The following RNF32 variants were observed in gnomAD, a reference collection of about 807,000 sequenced individuals.
RNF32 encodes the protein ring finger protein 32.
RNF32 carries 36 observed loss-of-function variants against 41.0 expected under a neutral mutation model. The ratio of observed to expected loss-of-function variants is 0.88; its 90% CI spans 0.67 to 1.16. The LOEUF is 1.16. RNF32 is among the 50% of genes most tolerant of loss of function. The pLI, the probability that RNF32 is intolerant of heterozygous loss-of-function variation, is 0.00. For missense variants in RNF32, 413 were observed against 436.7 expected, an observed-to-expected ratio of 0.95 and a Z score of 0.48; for synonymous variants, 154 against 160.9, an observed-to-expected ratio of 0.96 and a Z score of 0.32.
At chr7:156,667,136 C>CA in intron 7 of RNF32, among the ~76,000 whole-genome samples, 1 of 152,164 alleles carries the variant, frequency 6.6e-6, no homozygotes, top group Non-Finnish European at 1.5e-5. Context: ...GAAGTGGCTC[C>CA]AAGCAGCAGG....
intron 7 of RNF32, chr7:156,659,783 T>C (rs768953090): frequency 3.6e-5 from 25 of 689,850 alleles, no homozygotes; most frequent in Non-Finnish European, 4.3e-5. Flanking sequence ...TTGTGTTATC[T>C]TGTAAAGTAG....
At chr7:156,657,049 GAA>G (rs1410805000) in intron 4 of RNF32, among the ~76,000 whole-genome samples, 1 of 152,032 alleles carries the variant, frequency 6.6e-6, no homozygotes, top group African/African-American at 2.4e-5. Flanking sequence ...ATTTAAAAAA[GAA>G]AAAAGACTCC....
intron 3 of RNF32, among the ~76,000 whole-genome samples, chr7:156,652,261 T>TTAA (rs1356236771): frequency 6.6e-6 from 1 of 152,184 alleles, no homozygotes; most frequent in Non-Finnish European, 1.5e-5. Context: ...TGAGGCCTGT[T>TTAA]TTTTTGAGTC....
intron 7 of RNF32, among the ~76,000 whole-genome samples, chr7:156,664,518 C>T (rs1801080726): frequency 6.6e-6 from 1 of 151,806 alleles, no homozygotes; most frequent in Admixed American, 6.6e-5. Context: ...GGTAATTTGT[C>T]CTGGTTGACA....
At chr7:156,658,940 T>A in intron 7 of RNF32, 1 of 1,526,444 alleles carries the variant, frequency 6.6e-7, no homozygotes, top group Non-Finnish European at 8.8e-7. Context: ...GCACATCTCA[T>A]AGTAATGAAA....
At chr7:156,654,160 T>C (rs1381643603) in intron 3 of RNF32, 2 of 152,152 alleles carry the variant, frequency 1.3e-5, no homozygotes, top group African/African-American at 2.4e-5. Flanking sequence ...TATCCGTGGG[T>C]TTGGCATCCA....
chr7:156,657,516 C>A (rs762728604), intron 4 of RNF32, 25 bp from the exon 5 acceptor site: 2 of 1,613,398 alleles, frequency 1.2e-6, no homozygotes, highest in South Asian at 2.2e-5. Context: ...TAAACTTCAA[C>A]GTCGTTCTGT....
chr7:156,643,958 T>C, intron 2 of RNF32, 66 bp downstream of exon 2: 2 of 1,439,430 alleles, frequency 1.4e-6, no homozygotes, highest in South Asian at 1.2e-5. Flanking sequence ...ATTCAGCCAT[T>C]TGAGAGTATA....
At chr7:156,644,408 C>A in intron 2 of RNF32, 91 bp from the exon 3 acceptor site, 1 of 948,330 alleles carries the variant, frequency 1.1e-6, no homozygotes, top group Non-Finnish European at 1.7e-6. Context: ...GTTGTATGTG[C>A]CATCAAGGTT....
Position 156,658,133 on chromosome 7 carries a change from T to G in RNF32, c.456T>G (p.Cys152Trp). Residue 152 changes from cysteine (C) to tryptophan (W), a missense_variant, in exon 6 of 9, where the codon TGT becomes TGG. Cys to Trp is a radical substitution (Grantham distance 215, BLOSUM62 -2). Transcript: ENST00000317955. ...AGTGAAATGTTTTTCTTCAGGCATG[T>G]CTTCAGGCTTTTGAAAAGTTCACAA... ...LSCSHVFHKACLQAFEKFTNK... is the reference protein window; with the variant it reads ...LSCSHVFHKAWLQAFEKFTNK... 1.2e-6 allele frequency: 2 copies of G among 1,612,904 alleles called. No homozygotes were observed. The highest frequency in any genetic ancestry group is 1.7e-6 in the Non-Finnish European group (2 of 1,179,620).
chr7:156,654,531 T>G, intron 3 of RNF32, 45 bp from the exon 4 acceptor site: 1 of 1,573,202 alleles, frequency 6.4e-7, no homozygotes, highest in Admixed American at 1.7e-5. Context: ...GGGTGCCATA[T>G]GCTAAAAGAC....
At chr7:156,673,001 C>T (rs541375490) in intron 7 of RNF32, among the ~76,000 whole-genome samples, 5 of 152,324 alleles carry the variant, frequency 3.3e-5, no homozygotes, top group Admixed American at 6.5e-5. Flanking sequence ...AGGCCCGGGG[C>T]AAAGCCTGAA....
Position 156,675,749 on chromosome 7 carries a change from G to A in RNF32, c.738G>A (p.Glu246=), listed in dbSNP as rs1403955924. ...GCTCATACAACACCAACATTGAAGA[G>A]CTCTTTGCAGAAATCGATCAGTGCT... ...ILCSYNTNIE[E]LFAEIDQCLA... is the part of the protein sequence containing the mutation. The change falls in exon 8 of 9, where the codon GAG becomes GAA. Residue 246 remains glutamate (E), a synonymous_variant. Transcript: ENST00000317955. 1.2e-6 allele frequency: 2 copies of A among 1,614,006 alleles called. No homozygotes were observed. The highest frequency in any genetic ancestry group is 1.7e-6 in the Non-Finnish European group (2 of 1,179,970).
chr7:156,667,820 C>A (rs17563187), intron 7 of RNF32, among the ~76,000 whole-genome samples: 46,796 of 152,078 alleles, frequency 0.31, 8,887 homozygotes, highest in Middle Eastern at 0.45. Context: ...ATATTCATCC[C>A]AGTTCACTGT....
At chr7:156,646,373 G>T in intron 3 of RNF32, 1 of 1,281,176 alleles carries the variant, frequency 7.8e-7, no homozygotes. Flanking sequence ...TTGTGGCAGC[G>T]TCACTCCAAT....
Position 156,657,836 on chromosome 7 carries a change from G to A in RNF32, c.450+263G>A, listed in dbSNP as rs1799957050. ...GTCAAAGTGACAGCTAAATTCACAT[G>A]ATCGATCTGCATGTGGCCCCATACA... On this transcript the variant is annotated intron_variant, in intron 5 of 8. Transcript: ENST00000317955. 3.3e-5 allele frequency: 20 copies of A among 597,776 alleles called. No homozygotes were observed. In the South Asian group the frequency reaches 3.7e-4, roughly 11 times the overall value. 37.0% of individuals were successfully genotyped at this position (597,776 alleles called of 1,614,324 possible).
At position 156,644,582 on chromosome 7, in the gene RNF32, T is replaced by A. The variant is rs780718824; in HGVS notation, c.99T>A (p.Asn33Lys). ...DHILHDLQLR[N>K]LSVADHSKTQ... The stretch of plus-strand genomic sequence containing the variant: ...TTTTACATGATCTTCAACTTCGAAA[T>A]CTTTCAGTTGCAGATCATTCTAAGA... The change falls in exon 3 of 9, where the codon AAT becomes AAA. Residue 33 changes from asparagine (N) to lysine (K), a missense_variant. Transcript: ENST00000317955. 18 of 1,613,204 alleles carry A rather than the reference T, an allele frequency of 1.1e-5. No individual in the cohort carries two copies. The highest frequency in any genetic ancestry group is 1.5e-5 in the Non-Finnish European group (18 of 1,179,466).
intron 7 of RNF32, among the ~76,000 whole-genome samples, chr7:156,673,916 A>AG (rs1470653928): frequency 1.8e-3 from 236 of 127,970 alleles, no homozygotes; most frequent in African/African-American, 6.8e-3. Context: ...TAAAAAAAAA[A>AG]AAAAAAGAAA....
At chr7:156,651,101 C>A (rs1798653996) in intron 3 of RNF32, among the ~76,000 whole-genome samples, 1 of 152,010 alleles carries the variant, frequency 6.6e-6, no homozygotes, top group African/African-American at 2.4e-5. Flanking sequence ...TAAAATTGTT[C>A]TATGAGGATT....
Sources: gnomAD v4.1 joint callset for allele counts (sites outside exome capture counted in the v4.1 genomes callset) on GRCh38, gnomAD v4.1.1 for gene constraint, MANE v1.5 for transcripts, NCBI Gene and HGNC (gene_info 2026-07-23, HGNC 2026-07-21) for gene names.